The following LRRTM4 variants were observed in gnomAD, a reference collection of about 807,000 sequenced individuals.
LRRTM4 encodes the protein leucine-rich repeat transmembrane neuronal protein 4.
A neutral mutation model predicts 47.6 loss-of-function variants in LRRTM4; 25 were observed. The observed-to-expected ratio is 0.53, with a 90% CI of 0.38 to 0.73. The LOEUF is 0.73. Among genes scored for constraint, LRRTM4 ranks in the 30% least tolerant of loss-of-function variants. The probability of loss-of-function intolerance (pLI) is 0.00; values close to 1 mark genes in which losing one functional copy is unlikely to be tolerated. For synonymous variants in LRRTM4, 311 were observed against 269.5 expected (o/e 1.15, Z -1.51); for missense variants, 638 against 713.4 (o/e 0.89, Z 1.20).
intron 3 of LRRTM4, among the ~76,000 whole-genome samples, chr2:76,921,834 A>AT (rs1004613418): frequency 8.5e-5 from 13 of 152,220 alleles, no homozygotes; most frequent in African/African-American, 2.4e-4. Context: ...AGAATCAGCC[A>AT]TTTTTTATGG....
chr2:77,226,538 CATATATAT>C (rs60188707), intron 3 of LRRTM4, among the ~76,000 whole-genome samples: 63,873 of 143,904 alleles, frequency 0.44, 15,336 homozygotes, highest in Non-Finnish European at 0.54. Flanking sequence ...AAATTATATA[CATATATAT>C]ATATATATAT....
chr2:76,844,420 C>T (rs1671779787), intron 3 of LRRTM4, among the ~76,000 whole-genome samples: 1 of 152,154 alleles, frequency 6.6e-6, no homozygotes. Flanking sequence ...CAGGTGTGAG[C>T]CACCGTGCCT....
chr2:76,874,349 T>C (rs181277482), intron 3 of LRRTM4, among the ~76,000 whole-genome samples: 1 of 152,112 alleles, frequency 6.6e-6, no homozygotes, highest in Admixed American at 6.6e-5. Flanking sequence ...AATCTTTTCT[T>C]TGTTTATTCT....
intron 3 of LRRTM4, among the ~76,000 whole-genome samples, chr2:76,955,158 G>A (rs1001511568): frequency 1.3e-5 from 2 of 151,630 alleles, no homozygotes; most frequent in African/African-American, 4.8e-5. Context: ...CACTGATAAG[G>A]GTAAATTTAT....
chr2:77,506,589 G>C (rs1419324110), intron 3 of LRRTM4, among the ~76,000 whole-genome samples: 2 of 151,760 alleles, frequency 1.3e-5, no homozygotes, highest in Non-Finnish European at 3.0e-5. Context: ...ATAATGTTAG[G>C]GGTATATGTG....
intron 3 of LRRTM4, among the ~76,000 whole-genome samples, chr2:76,812,806 T>TCTC (rs1180792014): frequency 2.2e-5 from 2 of 92,268 alleles, no homozygotes; most frequent in African/African-American, 8.1e-5. Flanking sequence ...CCCCTCCTCC[T>TCTC]CCTTATTCTT....
At chr2:76,812,672 GCTCTTT>G (rs1397117922) in intron 3 of LRRTM4, among the ~76,000 whole-genome samples, 136 of 83,358 alleles carry the variant, frequency 1.6e-3, no homozygotes, top group African/African-American at 6.5e-3. Flanking sequence ...TTACAAATAA[GCTCTTT>G]CTTTCTTTCT....
intron 3 of LRRTM4, among the ~76,000 whole-genome samples, chr2:76,870,926 T>C (rs994978772): frequency 2.5e-4 from 38 of 152,186 alleles, no homozygotes; most frequent in African/African-American, 8.4e-4. Flanking sequence ...ATCCACACTT[T>C]AATCACCCTA....
chr2:76,978,175 C>A (rs955692737), intron 3 of LRRTM4, among the ~76,000 whole-genome samples: 13 of 151,960 alleles, frequency 8.6e-5, no homozygotes, highest in African/African-American at 2.4e-4. Context: ...CCCCCTTGGC[C>A]TACAAACAGA....
intron 3 of LRRTM4, among the ~76,000 whole-genome samples, chr2:76,770,768 T>G (rs1673662408): frequency 6.6e-6 from 1 of 152,238 alleles, no homozygotes; most frequent in Non-Finnish European, 1.5e-5. Context: ...CCCCCAGTAG[T>G]ACAATTGAAA....
At chr2:77,282,002 C>G (rs72913995) in intron 3 of LRRTM4, among the ~76,000 whole-genome samples, 7,866 of 151,950 alleles carry the variant, frequency 0.052, 632 homozygotes, top group African/African-American at 0.18. Flanking sequence ...ATAGGAACAG[C>G]ATTGAAACTG....
chr2:77,161,035 G>A (rs1223686010), intron 3 of LRRTM4, among the ~76,000 whole-genome samples: 1 of 152,038 alleles, frequency 6.6e-6, no homozygotes, highest in Non-Finnish European at 1.5e-5. Flanking sequence ...AGACCCCCTC[G>A]ATGACTTCCA....
intron 3 of LRRTM4, among the ~76,000 whole-genome samples, chr2:77,494,046 T>C (rs1678267406): frequency 6.6e-6 from 1 of 152,116 alleles, no homozygotes. Flanking sequence ...TTTGAATTAG[T>C]TAATAGAAAT....
intron 3 of LRRTM4, among the ~76,000 whole-genome samples, chr2:77,175,738 G>C (rs1033108302): frequency 1.3e-5 from 2 of 152,008 alleles, no homozygotes; most frequent in African/African-American, 4.8e-5. Context: ...TTCTTAAACT[G>C]TCTTTTTCTC....
intron 3 of LRRTM4, among the ~76,000 whole-genome samples, chr2:77,174,868 T>C (rs182444542): frequency 1.1e-4 from 17 of 151,796 alleles, no homozygotes; most frequent in Non-Finnish European, 2.2e-4. Context: ...CATTGTTCAA[T>C]TCTCACCTTT....
rs534929837 is a variant in LRRTM4, at chr2:77,173,872, A to G, written c.1551+344446T>C. Among the ~76,000 whole-genome samples, 10 of 152,146 alleles carry G rather than the reference A, an allele frequency of 6.6e-5. No homozygotes were observed. In the East Asian group the frequency reaches 9.7e-4, roughly 15 times the overall value. On this transcript the variant is annotated intron_variant, in intron 3 of 3. Coordinates refer to ENST00000409884, the MANE Select transcript of LRRTM4 (RefSeq NM_001134745.3). ...GAAAACCAGTGTTTGGAGCAGTACT[A>G]TTATTATCTTTGCTTGAACCTTTTT... is the stretch of plus-strand genomic sequence containing the variant.
intron 3 of LRRTM4, among the ~76,000 whole-genome samples, chr2:76,814,255 A>AT (rs1670832601): frequency 6.6e-6 from 1 of 152,178 alleles, no homozygotes; most frequent in Admixed American, 6.6e-5. Context: ...TAAAGAAAGA[A>AT]TAACTTTTTA....
At chr2:77,466,826 G>T (rs898740846) in intron 3 of LRRTM4, among the ~76,000 whole-genome samples, 1 of 151,174 alleles carries the variant, frequency 6.6e-6, no homozygotes, top group Admixed American at 6.6e-5. Context: ...AGCCTCCCAA[G>T]TAGGTGGGAC....
In LRRTM4 at chr2:76,776,429, G is replaced by A. The variant is rs541510069; in HGVS notation, c.1552-27513C>T. ...TCCTCTCCAGCACCTGTTGTTTCCT[G>A]ACTTTTGAAAGATTGCCATTCTAAC... On this transcript the variant is annotated intron_variant, in intron 3 of 3. Coordinates refer to ENST00000409884, the MANE Select transcript of LRRTM4 (RefSeq NM_001134745.3). Among the ~76,000 whole-genome samples, 32 of 152,206 alleles carry A rather than the reference G, an allele frequency of 2.1e-4. No homozygotes were observed. The South Asian group carries it at 6.6e-3, about 32-fold the overall frequency.
Sources: gnomAD v4.1 joint callset for allele counts (sites outside exome capture counted in the v4.1 genomes callset) on GRCh38, gnomAD v4.1.1 for gene constraint, MANE v1.5 for transcripts, NCBI Gene and HGNC (gene_info 2026-07-23, HGNC 2026-07-21) for gene names.